The following AOPEP variants were observed in gnomAD, a reference collection of about 807,000 sequenced individuals.
AOPEP encodes the protein aminopeptidase O.
AOPEP carries 77 observed loss-of-function variants against 98.1 expected under a neutral mutation model. That is an observed-to-expected ratio of 0.78 (90% CI 0.65 to 0.95). AOPEP has a LOEUF of 0.95. AOPEP is among the 40% of genes least tolerant of loss of function. The pLI is 0.00. For missense variants in AOPEP, 1,024 were observed against 1,024.7 expected (o/e 1.00, Z 0.01); for synonymous variants, 346 against 365.3 (o/e 0.95, Z 0.60).
intron 5 of AOPEP, among the ~76,000 whole-genome samples, chr9:94,882,105 T>C (rs1330570517): frequency 6.6e-6 from 1 of 152,228 alleles, no homozygotes; most frequent in Non-Finnish European, 1.5e-5. Flanking sequence ...AAGGTGGTTA[T>C]GGCGGGAAGG....
chr9:94,778,830 C>A (rs1842710083), intron 3 of AOPEP, among the ~76,000 whole-genome samples: 1 of 152,040 alleles, frequency 6.6e-6, no homozygotes, highest in Non-Finnish European at 1.5e-5. Context: ...GAGTTCAAGA[C>A]CAGCCTGGGC....
At chr9:95,085,975 C>A in intron 16 of AOPEP, 1 of 1,357,500 alleles carries the variant, frequency 7.4e-7, no homozygotes, top group South Asian at 1.1e-5. Context: ...GCCCACGGAG[C>A]TCCCAGCTGA....
chr9:95,001,881 G>A (rs1309003911), intron 11 of AOPEP, among the ~76,000 whole-genome samples: 1 of 151,862 alleles, frequency 6.6e-6, no homozygotes, highest in East Asian at 1.9e-4. Flanking sequence ...GGGCTCAAGT[G>A]ATCCTCCCAC....
intron 5 of AOPEP, among the ~76,000 whole-genome samples, chr9:94,869,701 C>T (rs959212789): frequency 1.3e-5 from 2 of 152,170 alleles, no homozygotes; most frequent in African/African-American, 2.4e-5. Context: ...AGATACGGCT[C>T]GTGTTACCCA....
At chr9:94,845,370 GT>G (rs1371386851) in intron 5 of AOPEP, among the ~76,000 whole-genome samples, 2 of 152,338 alleles carry the variant, frequency 1.3e-5, no homozygotes, top group South Asian at 4.2e-4. Context: ...AACTGGAGAA[GT>G]TGCTGAGGAC....
At chr9:95,013,442 G>A (rs1299852719) in intron 13 of AOPEP, among the ~76,000 whole-genome samples, 1 of 142,874 alleles carries the variant, frequency 7.0e-6, no homozygotes, top group Non-Finnish European at 1.5e-5. Context: ...ATACCTGTAA[G>A]ACAGTCGGCC....
chr9:95,116,966 T>C, the AOPEP span, among the ~76,000 whole-genome samples: 1 of 152,234 alleles, frequency 6.6e-6, no homozygotes, highest in African/African-American at 2.4e-5. Context: ...CAAACGAATG[T>C]ACTGTTTTAT....
chr9:94,916,235 C>T lies in AOPEP; in HGVS notation c.1365-7751C>T, dbSNP rs758097614. ...ACATCATCGCCCTGATTGGGGAGGA[C>T]GGAGGTGGGGGCCGTGGGGAGGTGA... On this transcript the variant is annotated intron_variant, in intron 5 of 16. Transcript: ENST00000375315. 1.8e-4 allele frequency among the ~76,000 whole-genome samples: 28 copies of T among 152,124 alleles called. 1 individual carries two copies. The Middle Eastern group carries it at 0.01, about 55-fold the overall frequency.
At chr9:94,970,711 A>T (rs1191862122) in intron 10 of AOPEP, among the ~76,000 whole-genome samples, 2 of 151,806 alleles carry the variant, frequency 1.3e-5, no homozygotes, top group Non-Finnish European at 2.9e-5. Flanking sequence ...TTGAAAAAAA[A>T]AAAACAGACA....
intron 5 of AOPEP, among the ~76,000 whole-genome samples, chr9:94,899,968 A>G (rs1564347118): frequency 6.6e-6 from 1 of 152,164 alleles, no homozygotes; most frequent in Non-Finnish European, 1.5e-5. Context: ...AGCCAAATAT[A>G]TAGATTCAAG....
At chr9:94,760,718 A>G in intron 2 of AOPEP, 138 bp downstream of exon 2, 1 of 623,474 alleles carries the variant, frequency 1.6e-6, no homozygotes, top group Non-Finnish European at 2.6e-6. Context: ...AAATCCTTAG[A>G]CCTACAGTGA....
At chr9:94,990,498 T>C (rs2060824983) in intron 11 of AOPEP, among the ~76,000 whole-genome samples, 2 of 152,204 alleles carry the variant, frequency 1.3e-5, no homozygotes, top group Admixed American at 6.5e-5. Context: ...GTAAACCTTG[T>C]ATCAATAGAA....
At chr9:94,836,081 CTT>C (rs2041562491) in intron 5 of AOPEP, among the ~76,000 whole-genome samples, 1 of 34,838 alleles carries the variant, frequency 2.9e-5, no homozygotes, top group Non-Finnish European at 5.6e-5. Flanking sequence ...TTGTTTCCTG[CTT>C]GTGTGTGTGT....
intron 1 of AOPEP, among the ~76,000 whole-genome samples, chr9:94,746,956 TTGAC>T (rs1265831915): frequency 6.6e-6 from 1 of 152,168 alleles, no homozygotes; most frequent in East Asian, 1.9e-4. Flanking sequence ...GAAAAGGTCT[TTGAC>T]TGAGACTGAC....
chr9:94,969,687 G>A (rs1215413010), intron 10 of AOPEP, among the ~76,000 whole-genome samples: 3 of 152,192 alleles, frequency 2.0e-5, no homozygotes, highest in African/African-American at 4.8e-5. Flanking sequence ...GATTACAGGC[G>A]TGGGCCACTG....
chr9:94,931,781 T>C, intron 7 of AOPEP: 1 of 1,549,962 alleles, frequency 6.5e-7, no homozygotes. Context: ...TTCAACATGT[T>C]TGACCACTCT....
intron 13 of AOPEP, among the ~76,000 whole-genome samples, chr9:95,043,898 T>C (rs2065588042): frequency 1.3e-5 from 2 of 152,216 alleles, no homozygotes; most frequent in South Asian, 4.1e-4. Flanking sequence ...GCCCACATGA[T>C]CCACCAGCCT....
chr9:94,960,828 C>T (rs1050699970), intron 9 of AOPEP, among the ~76,000 whole-genome samples: 3 of 151,808 alleles, frequency 2.0e-5, no homozygotes, highest in Non-Finnish European at 4.4e-5. Context: ...TTGGCTAACA[C>T]GGTGAAACCC....
At chr9:94,735,575 C>T (rs759455624) in intron 1 of AOPEP, among the ~76,000 whole-genome samples, 1 of 152,152 alleles carries the variant, frequency 6.6e-6, no homozygotes, top group East Asian at 1.9e-4. Context: ...CAACCTGCAA[C>T]GTTGTTTATT....
Sources: gnomAD v4.1 joint callset for allele counts (sites outside exome capture counted in the v4.1 genomes callset) on GRCh38, gnomAD v4.1.1 for gene constraint, MANE v1.5 for transcripts, NCBI Gene and HGNC (gene_info 2026-07-23, HGNC 2026-07-21) for gene names.